The following PACRG variants were observed in gnomAD, a reference collection of about 807,000 sequenced individuals.
The protein encoded by PACRG is parkin coregulated gene protein.
A neutral mutation model predicts 29.7 loss-of-function variants in PACRG; 29 were observed. The ratio of observed to expected loss-of-function variants is 0.98; its 90% CI spans 0.73 to 1.33. The LOEUF (loss-of-function observed/expected upper bound fraction) is 1.33, where lower values mean the gene tolerates loss of function less well. Ranked by LOEUF, PACRG falls within the 40% of genes most tolerant of loss-of-function variation. PACRG has a pLI of 0.00. For synonymous variants in PACRG, 116 were observed against 118.7 expected (o/e 0.98, Z 0.15); for missense variants, 279 against 316.2 (o/e 0.88, Z 0.89).
chr6:162,967,494 A>T (rs1021325259), intron 2 of PACRG, among the ~76,000 whole-genome samples: 1 of 151,512 alleles, frequency 6.6e-6, no homozygotes, highest in Non-Finnish European at 1.5e-5. Context: ...TTGGTAGAAC[A>T]TTATTGAACT....
At chr6:162,987,038 G>C (rs1802962500) in intron 2 of PACRG, among the ~76,000 whole-genome samples, 1 of 151,472 alleles carries the variant, frequency 6.6e-6, no homozygotes, top group Admixed American at 6.6e-5. Flanking sequence ...ATTTCTTCTT[G>C]GTTTGCATTA....
At chr6:162,897,043 A>G (rs948366210) in intron 2 of PACRG, among the ~76,000 whole-genome samples, 2 of 152,226 alleles carry the variant, frequency 1.3e-5, no homozygotes, top group African/African-American at 4.8e-5. Context: ...TCTGCCAATG[A>G]GCCCCTACAA....
chr6:163,113,930 A>G (rs894112383), intron 4 of PACRG, among the ~76,000 whole-genome samples: 2 of 152,252 alleles, frequency 1.3e-5, no homozygotes, highest in African/African-American at 4.8e-5. Context: ...CATAAAAAAT[A>G]CAAGTTCATG....
intron 2 of PACRG, among the ~76,000 whole-genome samples, chr6:163,020,390 T>C (rs1806499630): frequency 6.6e-6 from 1 of 152,176 alleles, no homozygotes; most frequent in Non-Finnish European, 1.5e-5. Context: ...CTATCCTCCA[T>C]TCTTTGCCAC....
intron 2 of PACRG, among the ~76,000 whole-genome samples, chr6:162,930,096 A>C (rs1338582558): frequency 6.6e-6 from 1 of 151,780 alleles, no homozygotes; most frequent in Non-Finnish European, 1.5e-5. Flanking sequence ...GATTCCATAT[A>C]ATCTTCAGGA....
intron 4 of PACRG, among the ~76,000 whole-genome samples, chr6:163,114,349 A>G (rs1323713978): frequency 6.6e-6 from 1 of 152,230 alleles, no homozygotes; most frequent in East Asian, 1.9e-4. Flanking sequence ...TATCAATTCA[A>G]ATTGGAGTCT....
intron 4 of PACRG, among the ~76,000 whole-genome samples, chr6:163,158,831 C>G (rs1406364656): frequency 6.6e-6 from 1 of 152,206 alleles, no homozygotes; most frequent in Non-Finnish European, 1.5e-5. Flanking sequence ...GTACCACTCT[C>G]AAACTAAACA....
intron 2 of PACRG, among the ~76,000 whole-genome samples, chr6:162,986,530 T>C (rs1802904869): frequency 6.6e-6 from 1 of 151,988 alleles, no homozygotes; most frequent in Admixed American, 6.6e-5. Context: ...GAAGCTGGAT[T>C]CCCATCTCTC....
At chr6:163,218,232 C>T (rs1781439977) in intron 4 of PACRG, among the ~76,000 whole-genome samples, 3 of 152,208 alleles carry the variant, frequency 2.0e-5, no homozygotes, top group Non-Finnish European at 4.4e-5. Flanking sequence ...CTCACTTTCC[C>T]TCCTCGTATG....
intron 2 of PACRG, among the ~76,000 whole-genome samples, chr6:162,920,699 A>G (rs1164168620): frequency 1.3e-5 from 2 of 152,202 alleles, no homozygotes; most frequent in African/African-American, 4.8e-5. Flanking sequence ...TCTCTGAGCA[A>G]TCAGCTACAT....
At chr6:163,209,980 T>A (rs1330084727) in intron 4 of PACRG, among the ~76,000 whole-genome samples, 1 of 152,208 alleles carries the variant, frequency 6.6e-6, no homozygotes, top group Non-Finnish European at 1.5e-5. Context: ...AAAGTCTCCA[T>A]GAACATCAAA....
chr6:163,260,859 G>A (rs754530132), intron 4 of PACRG, among the ~76,000 whole-genome samples: 21 of 152,292 alleles, frequency 1.4e-4, no homozygotes, highest in Middle Eastern at 3.4e-3. Flanking sequence ...GGGACACAGC[G>A]TGTTGGCCAG....
At chr6:162,739,626 G>A (rs1322689369) in intron 1 of PACRG, among the ~76,000 whole-genome samples, 3 of 151,946 alleles carry the variant, frequency 2.0e-5, no homozygotes, top group Admixed American at 1.3e-4. Flanking sequence ...GGTGAATCAC[G>A]AGGTCAGGAG....
At chr6:163,198,728 A>G (rs928866059) in intron 4 of PACRG, among the ~76,000 whole-genome samples, 3 of 152,216 alleles carry the variant, frequency 2.0e-5, no homozygotes, top group Non-Finnish European at 2.9e-5. Flanking sequence ...GACAGGTCTC[A>G]GTTAATTTAG....
At chr6:163,077,286 A>C (rs573482108) in intron 3 of PACRG, among the ~76,000 whole-genome samples, 2 of 152,276 alleles carry the variant, frequency 1.3e-5, no homozygotes, top group East Asian at 3.9e-4. Flanking sequence ...TAGTAGGAGG[A>C]GAGGTGACCC....
At chr6:162,785,564 G>A (rs1342858970) in intron 1 of PACRG, among the ~76,000 whole-genome samples, 3 of 151,510 alleles carry the variant, frequency 2.0e-5, no homozygotes, top group South Asian at 2.1e-4. Flanking sequence ...TTGCACAGAC[G>A]GCCAGGGGGT....
chr6:162,774,651 A>G lies in PACRG; in HGVS notation c.157-39496A>G, dbSNP rs539932176. On this transcript the variant is annotated intron_variant, in intron 1 of 4. Transcript: ENST00000366888. ...TAATTCCCCACTTCAAGGCTGTTTC[A>G]TTGTCTCCATCTCTACTGTATTTAG... is the stretch of plus-strand genomic sequence containing the variant. Among the ~76,000 whole-genome samples, 13 of 152,054 alleles carry G rather than the reference A, an allele frequency of 8.5e-5. No individual in the cohort carries two copies. The South Asian group carries it at 2.3e-3, about 27-fold the overall frequency.
intron 4 of PACRG, among the ~76,000 whole-genome samples, chr6:163,204,133 G>A (rs1051707038): frequency 1.3e-5 from 2 of 152,172 alleles, no homozygotes; most frequent in African/African-American, 4.8e-5. Context: ...TACCTAAAGG[G>A]CTAAATCTTT....
At chr6:163,214,314 G>A (rs62429972) in intron 4 of PACRG, among the ~76,000 whole-genome samples, 18,489 of 151,988 alleles carry the variant, frequency 0.12, 1,221 homozygotes, top group African/African-American at 0.15. Flanking sequence ...TTATCTTACT[G>A]GGGAGTTTCT....
Sources: allele counts gnomAD v4.1 joint callset (sites outside exome capture counted in the v4.1 genomes callset), GRCh38; gene constraint gnomAD v4.1.1; transcripts MANE v1.5; gene names NCBI Gene and HGNC (gene_info 2026-07-23, HGNC 2026-07-21).